ZMYND8: variants seen among roughly 807,000 people sequenced by gnomAD.
ZMYND8 encodes MYND-type zinc finger-containing chromatin reader ZMYND8.
In ZMYND8, 37 loss-of-function variants were observed where a neutral mutation model predicts 140.8. That is an observed-to-expected ratio of 0.26 (90% CI 0.20 to 0.35). ZMYND8 has a LOEUF of 0.35. Among genes scored for constraint, ZMYND8 ranks in the 10% least tolerant of loss-of-function variants. ZMYND8 has a pLI of 1.00. For missense variants in ZMYND8, 1,068 were observed against 1,570.0 expected, an observed-to-expected ratio of 0.68 and a Z score of 5.40; for synonymous variants, 592 against 597.1, an observed-to-expected ratio of 0.99 and a Z score of 0.12.
chr20:47,216,495 C>CAAAAAAA (rs10536216), intron 21 of ZMYND8, among the ~76,000 whole-genome samples: 973 of 59,356 alleles, frequency 0.016, 78 homozygotes, highest in African/African-American at 0.05. Context: ...GACTCTGTCT[C>CAAAAAAA]AAAAAAAAAA....
chr20:47,306,819 G>A (rs1293521935), intron 3 of ZMYND8, among the ~76,000 whole-genome samples: 27 of 152,252 alleles, frequency 1.8e-4, no homozygotes, highest in African/African-American at 6.0e-4. Context: ...GACGACAGTG[G>A]AGAATCTTCA....
At position 47,239,007 on chromosome 20, in the gene ZMYND8, T is replaced by C. The variant is rs1261419295; in HGVS notation, c.2416A>G (p.Thr806Ala). 2 of 1,606,452 alleles carry C rather than the reference T, an allele frequency of 1.2e-6. No homozygotes were observed. Among genetic ancestry groups the C allele is most frequent in the East Asian group, 2.2e-5 (1 of 44,728 alleles). Residue 806 changes from threonine to alanine, a missense_variant, in exon 15 of 23, where the codon ACC becomes GCC. Around this residue, in one of 10 missense-constraint regions of ZMYND8, gnomAD observed 383 missense variants for 431.2 expected, o/e 0.89. Coordinates refer to ENST00000471951, the MANE Select transcript of ZMYND8 (RefSeq NM_001281775.3). ...GCGGCGGGGGCCGGGGCCGTGACGG[T>C]GACCGTGGAGGACGTGCTGGTGGTG... ...TATTSTSSTV[T>A]VTAPAPAATG...
intron 2 of ZMYND8, chr20:47,319,111 A>G: frequency 8.4e-7 from 1 of 1,193,032 alleles, no homozygotes; most frequent in Non-Finnish European, 1.1e-6. Context: ...GTCACCACTT[A>G]CCAGGCCAGC....
intron 6 of ZMYND8, among the ~76,000 whole-genome samples, chr20:47,290,497 A>C (rs1002017518): frequency 6.6e-6 from 1 of 152,092 alleles, no homozygotes; most frequent in African/African-American, 2.4e-5. Flanking sequence ...TTTGAATTTA[A>C]CACAATAACT....
chr20:47,226,143 C>T (rs999739534), intron 18 of ZMYND8, among the ~76,000 whole-genome samples: 8 of 140,778 alleles, frequency 5.7e-5, no homozygotes, highest in African/African-American at 2.3e-4. Flanking sequence ...AAGAGTGAGA[C>T]TCTGTCTTAA....
intron 11 of ZMYND8, among the ~76,000 whole-genome samples, chr20:47,268,873 T>C (rs1409068532): frequency 6.6e-6 from 1 of 152,088 alleles, no homozygotes; most frequent in Non-Finnish European, 1.5e-5. Flanking sequence ...AAACACAAGG[T>C]GCTTGCTAAA....
chr20:47,224,281 C>T (rs774498860), intron 19 of ZMYND8, 36 bp downstream of exon 19: 2 of 1,610,750 alleles, frequency 1.2e-6, no homozygotes, highest in Non-Finnish European at 1.7e-6. Context: ...CAAGCCACTG[C>T]AGCCCAGGAC....
Position 47,210,653 on chromosome 20 carries a change from C to A in ZMYND8, c.*108G>T. On this transcript the variant is annotated 3_prime_UTR_variant, in exon 23 of 23. Transcript: ENST00000471951. ...GCTCAGGCTCAACTGAGGGTTTTGT[C>A]ATTTTCAAGTCTGAAAGTGGCTGTT... 1 of 1,595,738 alleles carries A rather than the reference C, an allele frequency of 6.3e-7. No homozygotes were observed. Among genetic ancestry groups the A allele is most frequent in the South Asian group, 1.1e-5 (1 of 90,128 alleles).
intron 5 of ZMYND8, 116 bp downstream of exon 5, chr20:47,294,550 G>C (rs1039071244): frequency 2.3e-6 from 2 of 863,590 alleles, no homozygotes; most frequent in Non-Finnish European, 3.8e-6. Flanking sequence ...TTGAATTTGG[G>C]GATGCAAGGA....
At chr20:47,285,681 A>T (rs879472599) in intron 8 of ZMYND8, 80 of 985,212 alleles carry the variant, frequency 8.1e-5, no homozygotes, top group Non-Finnish European at 9.4e-5. Flanking sequence ...TCAAATGCGC[A>T]ATGATATTCA....
chr20:47,334,628 T>A (rs913966684), intron 2 of ZMYND8, among the ~76,000 whole-genome samples: 3 of 147,958 alleles, frequency 2.0e-5, no homozygotes, highest in Non-Finnish European at 4.5e-5. Flanking sequence ...ATATATATAT[T>A]TTAGGCAGTC....
chr20:47,352,179 C>CGG (rs2082841178), intron 1 of ZMYND8, among the ~76,000 whole-genome samples: 1 of 152,164 alleles, frequency 6.6e-6, no homozygotes, highest in Non-Finnish European at 1.5e-5. Context: ...GGAGGAAGCC[C>CGG]GGTCCCCCTT....
At chr20:47,237,672 T>C (rs2039421798) in intron 15 of ZMYND8, 1 of 152,284 alleles carries the variant, frequency 6.6e-6, no homozygotes, top group South Asian at 2.1e-4. Flanking sequence ...AGGGTTTCAC[T>C]GGGGGCCAAT....
chr20:47,216,443 C>T (rs1202261799), intron 21 of ZMYND8, among the ~76,000 whole-genome samples: 2 of 129,844 alleles, frequency 1.5e-5, no homozygotes, highest in Non-Finnish European at 3.1e-5. Context: ...TGTAGTGAGC[C>T]AAGATCACGC....
intron 11 of ZMYND8, among the ~76,000 whole-genome samples, chr20:47,268,606 G>A (rs919469034): frequency 9.9e-5 from 15 of 151,358 alleles, no homozygotes; most frequent in Non-Finnish European, 1.6e-4. Flanking sequence ...GTGAAACCCC[G>A]TCTCTACTAA....
chr20:47,323,172 C>G (rs760967160), intron 2 of ZMYND8, among the ~76,000 whole-genome samples: 1 of 152,184 alleles, frequency 6.6e-6, no homozygotes, highest in Non-Finnish European at 1.5e-5. Context: ...CCATTATTCT[C>G]CTGGGGGGAA....
chr20:47,278,377 C>T (rs908222324), intron 10 of ZMYND8, among the ~76,000 whole-genome samples: 13 of 152,156 alleles, frequency 8.5e-5, no homozygotes, highest in Admixed American at 5.9e-4. Context: ...AGAAAACTCA[C>T]GTCTGGTGGA....
chr20:47,284,025 C>T (rs892748709), intron 8 of ZMYND8, among the ~76,000 whole-genome samples: 10 of 152,106 alleles, frequency 6.6e-5, no homozygotes, highest in Non-Finnish European at 1.3e-4. Context: ...TGCGTTCAAG[C>T]AATTCTCGTG....
At chr20:47,310,942 A>G (rs959877377) in intron 2 of ZMYND8, among the ~76,000 whole-genome samples, 2 of 152,180 alleles carry the variant, frequency 1.3e-5, no homozygotes, top group Admixed American at 6.5e-5. Context: ...CAACCTGCCA[A>G]CAGTCATCAC....
Sources: allele counts gnomAD v4.1 joint callset (sites outside exome capture counted in the v4.1 genomes callset), GRCh38; gene constraint gnomAD v4.1.1; regional missense constraint gnomAD v4.1.1; transcripts MANE v1.5; gene names NCBI Gene and HGNC (gene_info 2026-07-23, HGNC 2026-07-21).